The following MPZL3 variants were observed in gnomAD, a reference collection of about 807,000 sequenced individuals.
MPZL3 encodes myelin protein zero like 3.
A neutral mutation model predicts 24.8 loss-of-function variants in MPZL3; 23 were observed. The observed-to-expected ratio is 0.93, with a 90% CI of 0.67 to 1.31. The LOEUF (loss-of-function observed/expected upper bound fraction) is 1.31, where lower values mean the gene tolerates loss of function less well. Among genes scored for constraint, MPZL3 ranks in the 40% most tolerant of loss-of-function variants. MPZL3 has a pLI of 0.00. For missense variants in MPZL3, 277 were observed against 294.9 expected, an observed-to-expected ratio of 0.94 and a Z score of 0.44; for synonymous variants, 99 against 106.5, an observed-to-expected ratio of 0.93 and a Z score of 0.44.
In MPZL3 at chr11:118,237,149, G is replaced by A; in HGVS notation, c.352C>T (p.Pro118Ser). The change falls in exon 3 of 6, where the codon CCT (proline) becomes TCT (serine). Residue 118 changes from proline to serine, a missense_variant. Physicochemically the swap from Pro to Ser is moderately conservative, Grantham distance 74. Coordinates refer to ENST00000278949, the MANE Select transcript of MPZL3 (RefSeq NM_198275.3). ...AATGTCCCATTGTCCTTTATGGTAG[G>A]GTTGCTTATACTTATAGATGCATCC... ...KGDASISISN[P>S]TIKDNGTFSC... 1 of 1,613,982 alleles carries A rather than the reference G, an allele frequency of 6.2e-7. No homozygotes were observed. The highest frequency in any genetic ancestry group is 8.5e-7 in the Non-Finnish European group (1 of 1,179,954).
chr11:118,240,429 A>G (rs1350053995), intron 1 of MPZL3, 52 bp from the exon 2 acceptor site: 1 of 1,531,866 alleles, frequency 6.5e-7, no homozygotes, highest in South Asian at 1.3e-5. Flanking sequence ...GGTGGAATAT[A>G]CAGATGTGAG....
At chr11:118,232,613 GT>G (rs1310629953) in intron 5 of MPZL3, among the ~76,000 whole-genome samples, 9 of 152,158 alleles carry the variant, frequency 5.9e-5, no homozygotes, top group African/African-American at 2.2e-4. Context: ...GATAATAACC[GT>G]ATGAACATTA....
At position 118,237,219 on chromosome 11, in the gene MPZL3, G is replaced by A. The variant is rs763210061; in HGVS notation, c.282C>T (p.Gly94=). 2.5e-6 allele frequency: 4 copies of A among 1,614,052 alleles called. No individual in the cohort carries two copies. The highest frequency in any genetic ancestry group is 3.4e-6 in the Non-Finnish European group (4 of 1,179,960). The part of the protein sequence containing the change: ...YQSFQYPTTA[G]TFRDRISWVG... ...CCCAGGAAATCCGATCCCGAAATGT[G>A]CCTGCTGTGGTTGGGTACTGGAAAG... The change falls in exon 3 of 6, where the codon GGC becomes GGT. Residue 94 remains glycine (G), a synonymous_variant. Transcript: ENST00000278949.
chr11:118,236,323 CAG>C (rs963477278), intron 3 of MPZL3, among the ~76,000 whole-genome samples: 1 of 147,210 alleles, frequency 6.8e-6, no homozygotes, highest in African/African-American at 2.5e-5. Context: ...AGAAATGAGA[CAG>C]GGAGAGAGGA....
intron 1 of MPZL3, among the ~76,000 whole-genome samples, chr11:118,248,343 T>C (rs1440791833): frequency 6.6e-6 from 1 of 152,132 alleles, no homozygotes; most frequent in African/African-American, 2.4e-5. Context: ...CAAAAATTAT[T>C]ACAAAATAAG....
At chr11:118,247,737 G>A (rs1949571484) in intron 1 of MPZL3, among the ~76,000 whole-genome samples, 1 of 151,994 alleles carries the variant, frequency 6.6e-6, no homozygotes, top group African/African-American at 2.4e-5. Context: ...GCCTCCCAAA[G>A]TGCTGAGATT....
At chr11:118,233,250 C>T (rs1004879524) in intron 5 of MPZL3, among the ~76,000 whole-genome samples, 1 of 152,146 alleles carries the variant, frequency 6.6e-6, no homozygotes, top group African/African-American at 2.4e-5. Flanking sequence ...AAGACCACTG[C>T]TCTACGACCA....
intron 1 of MPZL3, among the ~76,000 whole-genome samples, chr11:118,250,816 C>T (rs1949612189): frequency 6.6e-6 from 1 of 152,066 alleles, no homozygotes; most frequent in Non-Finnish European, 1.5e-5. Flanking sequence ...AACTCCTGAC[C>T]TCAGGTGATC....
chr11:118,232,683 CA>C (rs1949370131), intron 5 of MPZL3, among the ~76,000 whole-genome samples: 1 of 152,152 alleles, frequency 6.6e-6, no homozygotes, highest in African/African-American at 2.4e-5. Flanking sequence ...AGGTCCTCTG[CA>C]CTGGCATTAC....
chr11:118,244,422 G>T lies in MPZL3; in HGVS notation c.74-4045C>A, dbSNP rs118102106. 8.9e-3 allele frequency among the ~76,000 whole-genome samples: 1,358 copies of T among 152,290 alleles called. 7 individuals are homozygous for T. The highest frequency in any genetic ancestry group is 0.016 in the South Asian group (78 of 4,820). On this transcript the variant is annotated intron_variant, in intron 1 of 5. Transcript: ENST00000278949. ...TATGGGTACGGCCCCTGTTATGATGGGGGAGAGGAGAGTGGTTAATGAAAG... is the reference window on the plus strand; with the variant it reads ...TATGGGTACGGCCCCTGTTATGATGTGGGAGAGGAGAGTGGTTAATGAAAG...
At chr11:118,239,094 C>T (rs1029210704) in intron 2 of MPZL3, among the ~76,000 whole-genome samples, 8 of 152,300 alleles carry the variant, frequency 5.3e-5, no homozygotes, top group African/African-American at 1.7e-4. Flanking sequence ...GATTTTCTGA[C>T]CAGCCTTGCA....
rs1949436443 is a variant in MPZL3 at position 118,237,140 on chromosome 11, T to G, written c.361A>C (p.Lys121Gln). ...ASISISNPTI[K>Q]DNGTFSCAVK... ...GCACAGCTGAATGTCCCATTGTCCT[T>G]TATGGTAGGGTTGCTTATACTTATA... Residue 121 changes from lysine (K) to glutamine (Q), a missense_variant, in exon 3 of 6, where the codon AAG (lysine) becomes CAG (glutamine). Transcript: ENST00000278949. 10 of 1,614,120 alleles carry G rather than the reference T, an allele frequency of 6.2e-6. No individual in the cohort carries two copies. The highest frequency in any genetic ancestry group is 7.6e-6 in the Non-Finnish European group (9 of 1,179,980).
rs370329239 is a variant in MPZL3 at position 118,241,235 on chromosome 11, G to A, written c.74-858C>T. On this transcript the variant is annotated intron_variant, in intron 1 of 5. Coordinates refer to ENST00000278949, the MANE Select transcript of MPZL3 (RefSeq NM_198275.3). ...CATATTTTAGGAAATGACATTGCCAGTACTTTGTTCTTCCTGCTTCCTTAT... is the reference window on the plus strand; with the variant it reads ...CATATTTTAGGAAATGACATTGCCAATACTTTGTTCTTCCTGCTTCCTTAT... Among the ~76,000 whole-genome samples the A allele has an allele frequency of 2.8e-4, 43 of 152,336 alleles. No individual in the cohort carries two copies. The South Asian group carries it at 8.9e-3, about 32-fold the overall frequency.
intron 4 of MPZL3, among the ~76,000 whole-genome samples, 197 bp from the exon 5 acceptor site, chr11:118,233,720 G>A (rs1420851955): frequency 2.0e-5 from 3 of 152,112 alleles, no homozygotes; most frequent in Non-Finnish European, 4.4e-5. Context: ...TTGGCCAGGC[G>A]CAGTGGCTCA....
intron 3 of MPZL3, 71 bp from the exon 4 acceptor site, chr11:118,235,660 G>A: frequency 2.0e-6 from 3 of 1,473,420 alleles, no homozygotes; most frequent in Admixed American, 2.1e-5. Flanking sequence ...GAGCAACTAG[G>A]TTCTACTTTT....
chr11:118,242,126 T>A (rs1715418), intron 1 of MPZL3, among the ~76,000 whole-genome samples: 118,652 of 152,172 alleles, frequency 0.78, 46,837 homozygotes, highest in African/African-American at 0.9. Flanking sequence ...AGTATAATAT[T>A]GAGATTTGAA....
At position 118,252,257 on chromosome 11, in the gene MPZL3, G is replaced by A. The variant is rs988704939; in HGVS notation, c.38C>T (p.Ala13Val). The A allele has an allele frequency of 6.2e-7, 1 of 1,614,030 alleles. No individual in the cohort carries two copies. Among genetic ancestry groups the A allele is most frequent in the Non-Finnish European group, 8.5e-7 (1 of 1,179,984 alleles). Residue 13 changes from alanine (A) to valine (V), a missense_variant, in exon 1 of 6, where the codon GCT becomes GTT. Coordinates refer to ENST00000278949, the MANE Select transcript of MPZL3 (RefSeq NM_198275.3). ...CAGGACGCCCAGCAGAGGGAAGAGA[G>A]CGCAGCCACGGCTTCCAGCTGCTCC... ...QRGAAGSRGC[A>V]LFPLLGVLFF...
chr11:118,248,070 CTTTTTTTT>C (rs60335848), intron 1 of MPZL3, among the ~76,000 whole-genome samples: 3,319 of 99,016 alleles, frequency 0.034, 122 homozygotes, highest in African/African-American at 0.1. Context: ...ACAGTTTCCT[CTTTTTTTT>C]TTTTTTTTTT....
chr11:118,240,011 C>T (rs1949472731), intron 2 of MPZL3, among the ~76,000 whole-genome samples, 200 bp downstream of exon 2: 1 of 152,120 alleles, frequency 6.6e-6, no homozygotes, highest in Non-Finnish European at 1.5e-5. Flanking sequence ...TTTTTTCCTG[C>T]AGCTTATTTA....
Sources: allele counts gnomAD v4.1 joint callset (sites outside exome capture counted in the v4.1 genomes callset), GRCh38; gene constraint gnomAD v4.1.1; transcripts MANE v1.5; gene names NCBI Gene and HGNC (gene_info 2026-07-23, HGNC 2026-07-21).